Variants in AGBL1 observed in about 807,000 individuals in gnomAD.
AGBL1 encodes AGBL carboxypeptidase 1, also known as cytosolic carboxypeptidase 4.
Under a neutral mutation model 118.9 loss-of-function variants are expected in AGBL1, and 130 were observed. The observed-to-expected ratio is 1.09, with a 90% CI of 0.95 to 1.26. The LOEUF is 1.26. Among genes scored for constraint, AGBL1 ranks in the 50% most tolerant of loss-of-function variants. The probability of loss-of-function intolerance (pLI) is 0.00; values close to 1 mark genes in which losing one functional copy is unlikely to be tolerated. For synonymous variants in AGBL1, 555 were observed against 478.9 expected, an observed-to-expected ratio of 1.16 and a Z score of -2.08; for missense variants, 1,584 against 1,298.1, an observed-to-expected ratio of 1.22 and a Z score of -3.38.
intron 1 of AGBL1, among the ~76,000 whole-genome samples, chr15:86,081,676 A>T (rs1475379914): frequency 6.6e-6 from 1 of 152,246 alleles, no homozygotes. Flanking sequence ...ATAAGCTGAC[A>T]TTCTGAGACC....
chr15:86,844,219 A>G (rs1479037554), intron 22 of AGBL1, among the ~76,000 whole-genome samples: 1 of 152,182 alleles, frequency 6.6e-6, no homozygotes, highest in Non-Finnish European at 1.5e-5. Context: ...TTGTGTGGAC[A>G]TGTTTCAGTT....
intron 19 of AGBL1, among the ~76,000 whole-genome samples, chr15:86,526,456 T>C (rs2083262882): frequency 6.6e-6 from 1 of 150,558 alleles, no homozygotes; most frequent in Admixed American, 6.6e-5. Context: ...CCCAAAGATA[T>C]GGAATCAACC....
intron 21 of AGBL1, among the ~76,000 whole-genome samples, chr15:86,635,185 C>A (rs1332104403): frequency 6.6e-6 from 1 of 150,574 alleles, no homozygotes; most frequent in South Asian, 2.1e-4. Flanking sequence ...TAGAGTTTAC[C>A]CATAATTTCT....
At chr15:86,588,413 C>T (rs777161335) in intron 21 of AGBL1, among the ~76,000 whole-genome samples, 5 of 152,184 alleles carry the variant, frequency 3.3e-5, no homozygotes, top group African/African-American at 4.8e-5. Flanking sequence ...CCCACTCCTG[C>T]CCCTACCAGA....
chr15:86,137,761 A>G (rs2076908506), intron 1 of AGBL1, among the ~76,000 whole-genome samples: 1 of 152,080 alleles, frequency 6.6e-6, no homozygotes, highest in African/African-American at 2.4e-5. Flanking sequence ...TGGGCAGGGG[A>G]GAGAGACCCA....
intron 20 of AGBL1, among the ~76,000 whole-genome samples, chr15:86,547,270 A>G (rs1287918896): frequency 6.6e-6 from 1 of 152,176 alleles, no homozygotes; most frequent in Non-Finnish European, 1.5e-5. Flanking sequence ...GACCCAACCC[A>G]TATAAAATGA....
At chr15:86,286,579 C>T (rs367637901) in intron 16 of AGBL1, among the ~76,000 whole-genome samples, 29 of 151,726 alleles carry the variant, frequency 1.9e-4, no homozygotes, top group South Asian at 6.2e-4. Flanking sequence ...TGTCTCTCTG[C>T]GCCCAGCATT....
intron 15 of AGBL1, among the ~76,000 whole-genome samples, chr15:86,276,591 T>C (rs2079255556): frequency 6.6e-6 from 1 of 152,166 alleles, no homozygotes. Context: ...TGAATAAGCA[T>C]GGTCCTTGCC....
Position 86,546,046 on chromosome 15 carries a change from C to T in AGBL1, c.2730C>T (p.Phe910=). The change falls in exon 20 of 23, where the codon TTC becomes TTT. Residue 910 remains phenylalanine, a synonymous_variant. Transcript: ENST00000614907. The stretch of plus-strand genomic sequence containing the variant: ...GCCACTCCCAAAAGAAGAATGTGTT[C>T]CTTTATGGCTGTAGCATCAAGGAAA... ...FHGHSQKKNV[F]LYGCSIKETL... The T allele has an allele frequency of 6.2e-7, 1 of 1,613,272 alleles. No individual in the cohort carries two copies. Among genetic ancestry groups the T allele is most frequent in the Admixed American group, 1.7e-5 (1 of 59,894 alleles).
At chr15:86,622,600 G>C (rs1252209443) in intron 21 of AGBL1, among the ~76,000 whole-genome samples, 1 of 152,084 alleles carries the variant, frequency 6.6e-6, no homozygotes, top group South Asian at 2.1e-4. Context: ...CCTTTGGGAA[G>C]GTAACATTTA....
At chr15:86,731,264 G>A (rs1055360390) in intron 22 of AGBL1, among the ~76,000 whole-genome samples, 1 of 152,164 alleles carries the variant, frequency 6.6e-6, no homozygotes, top group African/African-American at 2.4e-5. Flanking sequence ...GACCATCCTA[G>A]AAAGAAGTCT....
chr15:86,610,851 C>T (rs188548987), intron 21 of AGBL1, among the ~76,000 whole-genome samples: 4 of 152,194 alleles, frequency 2.6e-5, no homozygotes, highest in East Asian at 1.9e-4. Flanking sequence ...TTGTAGAGGT[C>T]GTGATATTCA....
At chr15:86,979,946 A>T (rs75749866) in intron 23 of AGBL1, among the ~76,000 whole-genome samples, 225 of 152,250 alleles carry the variant, frequency 1.5e-3, no homozygotes, top group African/African-American at 5.1e-3. Flanking sequence ...GGGATCCACT[A>T]AGAGACTTTT....
chr15:86,315,590 C>T (rs531624127), intron 17 of AGBL1, among the ~76,000 whole-genome samples: 26 of 151,734 alleles, frequency 1.7e-4, no homozygotes, highest in East Asian at 3.9e-4. Flanking sequence ...AGGTGGTGCG[C>T]GCCTGTAGTC....
At chr15:86,636,383 C>T (rs1312395908) in intron 21 of AGBL1, among the ~76,000 whole-genome samples, 3 of 151,944 alleles carry the variant, frequency 2.0e-5, no homozygotes, top group East Asian at 3.9e-4. Flanking sequence ...GACAATTTTA[C>T]AGGAGTAATG....
chr15:86,953,264 AT>A (rs1352043372), intron 23 of AGBL1, among the ~76,000 whole-genome samples: 1 of 152,134 alleles, frequency 6.6e-6, no homozygotes, highest in Non-Finnish European at 1.5e-5. Context: ...CAGTATGGCC[AT>A]TTTAACTATA....
intron 24 of AGBL1, among the ~76,000 whole-genome samples, chr15:87,014,003 G>T (rs2081586272): frequency 6.6e-6 from 1 of 151,974 alleles, no homozygotes; most frequent in African/African-American, 2.4e-5. Context: ...AACTTATAGG[G>T]TTAATATGAA....
intron 18 of AGBL1, among the ~76,000 whole-genome samples, chr15:86,417,328 A>G (rs7169502): frequency 0.039 from 5,983 of 152,178 alleles, 412 homozygotes; most frequent in African/African-American, 0.14. Flanking sequence ...TCACCTCTAT[A>G]TGTTTTCCTT....
chr15:86,547,232 T>G (rs1332600987), intron 20 of AGBL1, among the ~76,000 whole-genome samples: 3 of 152,156 alleles, frequency 2.0e-5, no homozygotes, highest in Admixed American at 2.0e-4. Flanking sequence ...TTTAGTAAAT[T>G]AAAGCATTCA....
Sources: gnomAD v4.1 joint callset for allele counts (sites outside exome capture counted in the v4.1 genomes callset) on GRCh38, gnomAD v4.1.1 for gene constraint, MANE v1.5 for transcripts, NCBI Gene and HGNC (gene_info 2026-07-23, HGNC 2026-07-21) for gene names.